NCOR2: variants seen among roughly 807,000 people sequenced by gnomAD.
The protein encoded by NCOR2 is nuclear receptor corepressor 2, also known as CTG repeat protein 26.
A neutral mutation model predicts 262.9 loss-of-function variants in NCOR2; 81 were observed. That is an observed-to-expected ratio of 0.31 (90% CI 0.26 to 0.37). NCOR2 has a LOEUF of 0.37. Ranked by LOEUF, NCOR2 falls within the 10% of genes least tolerant of loss-of-function variation. The pLI, the probability that NCOR2 is intolerant of heterozygous loss-of-function variation, is 1.00. For synonymous variants in NCOR2, 1,659 were observed against 1,559.3 expected (o/e 1.06, Z -1.51); for missense variants, 3,385 against 3,621.4 (o/e 0.93, Z 1.68).
exon 36 of NCOR2, chr12:124,340,329 G>A: frequency 1.2e-6 from 2 of 1,612,740 alleles, no homozygotes; most frequent in Non-Finnish European, 1.7e-6. Context: ...CACCGTCGTG[G>A]TGGACGTGAG....
intron 16 of NCOR2, among the ~76,000 whole-genome samples, chr12:124,395,133 C>G (rs1358236579): frequency 6.6e-6 from 1 of 152,216 alleles, no homozygotes; most frequent in Non-Finnish European, 1.5e-5. Flanking sequence ...CCCTGCCACA[C>G]AGAGAGTGAG....
intron 2 of NCOR2, 179 bp downstream of exon 4, chr12:124,486,262 C>G (rs777443682): frequency 2.1e-6 from 2 of 960,044 alleles, no homozygotes; most frequent in Non-Finnish European, 2.9e-6. Flanking sequence ...GTGGCTCTTC[C>G]CTGCTCGTCC....
intron 33 of NCOR2, 131 bp from the exon 36 acceptor site, chr12:124,342,205 C>T (rs546211169): frequency 9.0e-7 from 1 of 1,110,526 alleles, no homozygotes; most frequent in South Asian, 1.6e-5. Context: ...CTGCCCAAAG[C>T]ACAAACCAGA....
intron 1 of NCOR2, among the ~76,000 whole-genome samples, chr12:124,544,236 A>G (rs903784249): frequency 2.0e-5 from 3 of 152,170 alleles, no homozygotes; most frequent in African/African-American, 7.2e-5. Flanking sequence ...CCTGCCTCAC[A>G]GTATGCTGTA....
chr12:124,492,128 G>A (rs76238136), intron 1 of NCOR2, among the ~76,000 whole-genome samples: 2,572 of 152,310 alleles, frequency 0.017, 65 homozygotes, highest in African/African-American at 0.059. Context: ...CGGCTTCCAC[G>A]GCCTGCACCA....
chr12:124,350,218 G>C lies in NCOR2; in HGVS notation c.3844+369C>G, dbSNP rs530775862. Among the ~76,000 whole-genome samples the C allele has an allele frequency of 1.4e-4, 21 of 152,312 alleles. 1 individual carries two copies. In the East Asian group the frequency reaches 3.5e-3, roughly 25 times the overall value. ...GCAGCAAGAGCCTGGGACACAGTGG[G>C]GCGAGGGGCACTCTGGCCATGGCCT... is the stretch of plus-strand genomic sequence containing the variant. On this transcript the variant is annotated intron_variant, in intron 28 of 46. Coordinates refer to ENST00000405201, the Ensembl canonical transcript of NCOR2.
At chr12:124,511,552 G>T (rs1054516437) in intron 1 of NCOR2, among the ~76,000 whole-genome samples, 1 of 152,240 alleles carries the variant, frequency 6.6e-6, no homozygotes, top group Non-Finnish European at 1.5e-5. Context: ...GGTAGAATCC[G>T]AGAGCCTCCT....
chr12:124,345,191 G>A (rs1270079907), intron 31 of NCOR2, among the ~76,000 whole-genome samples: 1 of 152,106 alleles, frequency 6.6e-6, no homozygotes, highest in African/African-American at 2.4e-5. Flanking sequence ...TGCAGAAAGG[G>A]GTAAAAAGTT....
rs759972427 is a variant in NCOR2, at chr12:124,503,959, C to G, written c.-117-8591G>C. 2.0e-5 allele frequency among the ~76,000 whole-genome samples: 3 copies of G among 152,186 alleles called. No homozygotes were observed. The highest frequency in any genetic ancestry group is 2.9e-5 in the Non-Finnish European group (2 of 68,034). On this transcript the variant is annotated intron_variant, in intron 1 of 46. Coordinates refer to the NCOR2 transcript ENST00000404621. The surrounding 1 kb of genome is among the most constrained non-coding windows in gnomAD (Gnocchi z 4.3). Reference sequence around the variant, plus strand: ...GAGGGACACAGAAAGGCACTGTCGCCTTCAGGAACCCCCAAACCCATATAA... The same window carrying G: ...GAGGGACACAGAAAGGCACTGTCGCGTTCAGGAACCCCCAAACCCATATAA...
chr12:124,545,503 C>T (rs780984163), intron 1 of NCOR2, among the ~76,000 whole-genome samples: 5 of 152,210 alleles, frequency 3.3e-5, no homozygotes, highest in South Asian at 2.1e-4. Flanking sequence ...ACCAACCCAC[C>T]GACACACGGG....
chr12:124,374,645 T>G (rs2039847900), intron 18 of NCOR2, among the ~76,000 whole-genome samples, 182 bp from the exon 21 acceptor site: 1 of 152,238 alleles, frequency 6.6e-6, no homozygotes, highest in Non-Finnish European at 1.5e-5. Context: ...CCCTCTGGGC[T>G]CTGGCCAGCG....
chr12:124,339,126 ACCAC>A (rs60740366), intron 37 of NCOR2, among the ~76,000 whole-genome samples: 115,726 of 127,768 alleles, frequency 0.91, 52,712 homozygotes, highest in East Asian at 0.96. Flanking sequence ...ACTTAACCCA[ACCAC>A]CCACCCACCC....
chr12:124,394,557 T>C (rs1003762822), intron 16 of NCOR2, among the ~76,000 whole-genome samples: 2 of 152,088 alleles, frequency 1.3e-5, no homozygotes, highest in African/African-American at 4.8e-5. Context: ...TTGGGGTGGG[T>C]CCTTGTAAGA....
rs750726938 is a variant in NCOR2 at position 124,327,609 on chromosome 12, G to A, written c.6983C>T (p.Ala2328Val). The A allele has an allele frequency of 2.7e-5, 44 of 1,611,208 alleles. No individual in the cohort carries two copies. The highest frequency in any genetic ancestry group is 1.8e-4 in the East Asian group (8 of 44,840). The stretch of plus-strand genomic sequence containing the variant: ...GTTGGTGCTGGCATGTTCCTGCACC[G>A]CCTGGCTTCTATAGGTCATAAGGCC... Residue 2328 changes from alanine (A) to valine (V), a missense_variant, in exon 45 of 47, where the codon GCG (alanine) becomes GTG (valine). Physicochemically the swap from Ala to Val is moderately conservative, Grantham distance 64 (BLOSUM62 0). Coordinates refer to ENST00000405201, the Ensembl canonical transcript of NCOR2.
intron 19 of NCOR2, 45 bp downstream of exon 21, chr12:124,374,368 C>T: frequency 6.3e-7 from 1 of 1,598,388 alleles, no homozygotes; most frequent in Non-Finnish European, 8.6e-7. Context: ...GGGATGCCCG[C>T]CCCGGCCCGG....
intron 28 of NCOR2, among the ~76,000 whole-genome samples, chr12:124,350,193 G>A (rs545360257): frequency 4.6e-5 from 7 of 152,298 alleles, no homozygotes; most frequent in South Asian, 2.1e-4. Context: ...TGGGGGCTCC[G>A]CAGCAAGAGC....
intron 13 of NCOR2, among the ~76,000 whole-genome samples, chr12:124,416,923 A>G (rs2042909148): frequency 6.6e-6 from 1 of 152,234 alleles, no homozygotes; most frequent in Non-Finnish European, 1.5e-5. Context: ...CCTGTTTACA[A>G]TGGCTCTGAA....
At chr12:124,449,617 G>A (rs1190030894) in intron 7 of NCOR2, among the ~76,000 whole-genome samples, 198 bp downstream of exon 9, 1 of 151,934 alleles carries the variant, frequency 6.6e-6, no homozygotes. Flanking sequence ...AAACCTCAGG[G>A]GGACACTCTC....
At position 124,473,199 on chromosome 12, in the gene NCOR2, A is replaced by G. The variant is rs190282365; in HGVS notation, c.412-68T>C. On this transcript the variant is annotated intron_variant, in intron 3 of 46. Transcript: ENST00000405201. Reference sequence around the variant, plus strand: ...ACCCCCCAGTCTGTACAACCCTGTGATGGTTAATACTGTCAACCTGATTGG... The same window carrying G: ...ACCCCCCAGTCTGTACAACCCTGTGGTGGTTAATACTGTCAACCTGATTGG... 3.7e-3 allele frequency: 5,728 copies of G among 1,564,150 alleles called. 14 individuals are homozygous for G. The highest frequency in any genetic ancestry group is 4.4e-3 in the Non-Finnish European group (4,981 of 1,144,238).
Sources: gnomAD v4.1 joint callset for allele counts (sites outside exome capture counted in the v4.1 genomes callset) on GRCh38, gnomAD v4.1.1 for gene constraint, Gnocchi (gnomAD v3.1) non-coding constraint, MANE v1.5 for transcripts, NCBI Gene and HGNC (gene_info 2026-07-23, HGNC 2026-07-21) for gene names.